ANP32B: variants seen among roughly 807,000 people sequenced by gnomAD.
ANP32B encodes acidic leucine-rich nuclear phosphoprotein 32 family member B.
A neutral mutation model predicts 32.2 loss-of-function variants in ANP32B; 6 were observed. That is an observed-to-expected ratio of 0.19 (90% confidence interval 0.10 to 0.37). The LOEUF is 0.37. Among genes scored for constraint, ANP32B ranks in the 10% least tolerant of loss-of-function variants. The pLI is 1.00. For missense variants in ANP32B, 204 were observed against 289.2 expected (o/e 0.71, Z 2.14); for synonymous variants, 98 against 105.8 (o/e 0.93, Z 0.45).
rs778434225 is a variant in ANP32B at position 98,005,140 on chromosome 9, G to A, written c.504G>A (p.Glu168=). ...CCGAGGTGGATGGTGTGGATGAAGA[G>A]GAGGAGGACGAAGGTGAGTAGGCTC... ...SDAEVDGVDE[E]EEDEEGEDEE... Residue 168 remains glutamate, a synonymous_variant, in exon 4 of 7, where the codon GAG becomes GAA. Transcript: ENST00000339399. 7.4e-6 allele frequency: 12 copies of A among 1,613,164 alleles called. No homozygotes were observed. The African/African-American group carries it at 1.6e-4, about 22-fold the overall frequency.
intron 4 of ANP32B, among the ~76,000 whole-genome samples, chr9:98,006,109 T>C (rs1828077868): frequency 6.6e-6 from 1 of 152,118 alleles, no homozygotes. Context: ...GAGGTGGTGA[T>C]GCTAGAGCTG....
chr9:97,993,771 G>T (rs1827865281), intron 1 of ANP32B, among the ~76,000 whole-genome samples: 1 of 152,164 alleles, frequency 6.6e-6, no homozygotes. Context: ...AAGTAGCTGG[G>T]ATTACAGGCA....
intron 1 of ANP32B, among the ~76,000 whole-genome samples, chr9:97,990,340 G>A (rs965060889): frequency 1.3e-5 from 2 of 152,206 alleles, no homozygotes; most frequent in Non-Finnish European, 2.9e-5. Flanking sequence ...TCAAGGTCCT[G>A]TTAAGAACTT....
chr9:98,014,301 G>T (rs548904468), intron 6 of ANP32B, among the ~76,000 whole-genome samples: 5 of 151,912 alleles, frequency 3.3e-5, no homozygotes, highest in Admixed American at 6.6e-5. Context: ...CCAGCTACTC[G>T]GGAGGCTGAG....
In ANP32B at chr9:98,011,330, G is replaced by A; in HGVS notation, c.577G>A (p.Glu193Lys). 1 of 1,549,138 alleles carries A rather than the reference G, an allele frequency of 6.5e-7. No individual in the cohort carries two copies. The highest frequency in any genetic ancestry group is 8.8e-7 in the Non-Finnish European group (1 of 1,142,286). ...EDGEEEEFDE[E>K]DDEDEDVEGD... Reference sequence around the variant, plus strand: ...TGGTGAAGAAGAGGAGTTTGATGAAGAAGATGATGAAGATGAAGATGTAGA... The same window carrying A: ...TGGTGAAGAAGAGGAGTTTGATGAAAAAGATGATGAAGATGAAGATGTAGA... The change falls in exon 5 of 7, where the codon GAA becomes AAA. Residue 193 changes from glutamate to lysine, a missense_variant. Glu to Lys is a moderately conservative substitution (Grantham distance 56). Transcript: ENST00000339399.
chr9:98,011,910 C>T (rs186368230), intron 5 of ANP32B, among the ~76,000 whole-genome samples: 8 of 152,226 alleles, frequency 5.3e-5, no homozygotes, highest in African/African-American at 1.9e-4. Context: ...AAATGCTATA[C>T]GAGGGCAGGA....
intron 1 of ANP32B, among the ~76,000 whole-genome samples, chr9:97,991,277 A>C (rs1193637025): frequency 1.3e-5 from 2 of 151,886 alleles, no homozygotes; most frequent in Admixed American, 6.6e-5. Context: ...CACCATGCCC[A>C]GATAATTATT....
intron 6 of ANP32B, among the ~76,000 whole-genome samples, chr9:98,013,019 C>T (rs1416546568): frequency 6.6e-6 from 1 of 152,186 alleles, no homozygotes; most frequent in African/African-American, 2.4e-5. Flanking sequence ...CGTGAGCCAC[C>T]ACACCCGGCC....
At chr9:98,001,654 T>C (rs968003750) in intron 3 of ANP32B, among the ~76,000 whole-genome samples, 1 of 152,150 alleles carries the variant, frequency 6.6e-6, no homozygotes, top group Non-Finnish European at 1.5e-5. Context: ...AAGCAAATAC[T>C]GTGTGGGAGT....
chr9:98,010,632 G>A (rs888112892), intron 4 of ANP32B, among the ~76,000 whole-genome samples: 3 of 151,994 alleles, frequency 2.0e-5, no homozygotes, highest in Non-Finnish European at 2.9e-5. Context: ...AGCATGCAGA[G>A]ACCAGGAGGC....
chr9:98,012,677 T>C lies in ANP32B; in HGVS notation c.688+205T>C, dbSNP rs562708226. 2.0e-5 allele frequency among the ~76,000 whole-genome samples: 3 copies of C among 152,322 alleles called. No individual in the cohort carries two copies. The South Asian group carries it at 6.2e-4, about 32-fold the overall frequency. The stretch of plus-strand genomic sequence containing the variant: ...TGCTACAGCAGTTATTCCTGTCTCA[T>C]GGCAAGGGTCCTGTTGGTCTTCAGT... On this transcript the variant is annotated intron_variant, in intron 6 of 6. Transcript: ENST00000339399.
In ANP32B at chr9:97,983,460, C is replaced by A. The variant is rs1217281551; in HGVS notation, c.-96C>A. The stretch of plus-strand genomic sequence containing the variant: ...GCCGCCGGCCTCCGCCGCTAGCAAA[C>A]CCTTCCGACGGCCCTCGCTGCGCAA... On this transcript the variant is annotated 5_prime_UTR_variant, in exon 1 of 7. Transcript: ENST00000339399. The A allele has an allele frequency of 1.3e-5, 16 of 1,186,986 alleles. No homozygotes were observed. The highest frequency in any genetic ancestry group is 1.9e-5 in the Non-Finnish European group (16 of 833,002). 73.5% of individuals were successfully genotyped at this position (1,186,986 alleles called of 1,614,324 possible). A position where few individuals can be genotyped will look rare whatever the true frequency, so the allele number is the denominator to read the frequency against.
intron 1 of ANP32B, 116 bp downstream of exon 1, chr9:97,983,725 G>A (rs1228371945): frequency 5.2e-6 from 4 of 764,824 alleles, no homozygotes; most frequent in Non-Finnish European, 5.6e-6. Flanking sequence ...AGCGCAGCTC[G>A]TGGGCTCGGA....
intron 1 of ANP32B, among the ~76,000 whole-genome samples, chr9:97,986,057 G>C (rs1436416868): frequency 6.6e-6 from 1 of 152,136 alleles, no homozygotes; most frequent in African/African-American, 2.4e-5. Context: ...CTGACCTCGG[G>C]TGATCCACCC....
intron 4 of ANP32B, among the ~76,000 whole-genome samples, chr9:98,007,680 A>G (rs1300941153): frequency 2.6e-5 from 4 of 152,148 alleles, no homozygotes; most frequent in Non-Finnish European, 4.4e-5. Flanking sequence ...TCACTACTCG[A>G]GTCAGAGAGG....
intron 1 of ANP32B, among the ~76,000 whole-genome samples, chr9:97,985,074 C>T (rs908494426): frequency 2.6e-4 from 39 of 150,338 alleles, no homozygotes; most frequent in African/African-American, 3.6e-4. Context: ...GAGCCCCCCC[C>T]CCGCCGCGGA....
chr9:98,001,945 G>T (rs889013025), intron 3 of ANP32B, among the ~76,000 whole-genome samples: 4 of 152,062 alleles, frequency 2.6e-5, no homozygotes, highest in Non-Finnish European at 5.9e-5. Flanking sequence ...TGAATCCCTT[G>T]TCCAGAGTCA....
chr9:98,004,253 T>G (rs1467704446), intron 3 of ANP32B, among the ~76,000 whole-genome samples: 2 of 152,174 alleles, frequency 1.3e-5, no homozygotes, highest in Admixed American at 1.3e-4. Context: ...CAACAAAATT[T>G]CAAGGTATGG....
chr9:97,983,585 G>A lies in ANP32B; in HGVS notation c.30G>A (p.Glu10=), dbSNP rs1440252398. Reference sequence around the variant, plus strand: ...ACATGAAGAGGAGGATCCACCTGGAGCTGAGGAACCGGACCCCGGCAGCTG... The same window carrying A: ...ACATGAAGAGGAGGATCCACCTGGAACTGAGGAACCGGACCCCGGCAGCTG... MDMKRRIHL[E]LRNRTPAAVR... Residue 10 remains glutamate, a synonymous_variant, in exon 1 of 7, where the codon GAG becomes GAA. Coordinates refer to ENST00000339399, the MANE Select transcript of ANP32B (RefSeq NM_006401.3). The A allele has an allele frequency of 5.7e-6, 9 of 1,586,884 alleles. No homozygotes were observed. The highest frequency in any genetic ancestry group is 6.9e-6 in the Non-Finnish European group (8 of 1,167,546).
Sources: allele counts gnomAD v4.1 joint callset (sites outside exome capture counted in the v4.1 genomes callset), GRCh38; gene constraint gnomAD v4.1.1; transcripts MANE v1.5; gene names NCBI Gene and HGNC (gene_info 2026-07-23, HGNC 2026-07-21).